Variants in SWI5 observed in about 807,000 individuals in gnomAD.
SWI5 encodes the protein SWI5 homologous recombination repair protein, also known as DNA repair protein SWI5 homolog.
Under a neutral mutation model 17.0 loss-of-function variants are expected in SWI5, and 12 were observed. That is an observed-to-expected ratio of 0.71 (90% CI 0.45 to 1.14). SWI5 has a LOEUF of 1.14. Ranked by LOEUF, SWI5 falls within the 50% of genes most tolerant of loss-of-function variation. SWI5 has a pLI of 0.00. For missense variants in SWI5, 158 were observed against 162.2 expected (o/e 0.97, Z 0.14); for synonymous variants, 61 against 64.0 (o/e 0.95, Z 0.22).
At chr9:128,275,528 G>A, upstream of SWI5, 3 of 1,296,064 alleles carry the variant, frequency 2.3e-6, no homozygotes, top group Non-Finnish European at 9.9e-7. Context: ...GGGGGCCCCG[G>A]GAGTCACGGG....
At chr9:128,275,606 A>C, upstream of SWI5, 1 of 884,088 alleles carries the variant, frequency 1.1e-6, no homozygotes, top group Non-Finnish European at 1.6e-6. Flanking sequence ...CGCCAGCCCA[A>C]AGAGCCCAGG....
At chr9:128,284,536 T>C in exon 3 of SWI5, 2 of 1,613,926 alleles carry the variant, frequency 1.2e-6, no homozygotes, top group Non-Finnish European at 1.7e-6. Flanking sequence ...CTGGCCAGGC[T>C]GATGGGACCA....
chr9:128,286,196 G>GT, intron 4 of SWI5, 163 bp downstream of exon 4: 1 of 587,000 alleles, frequency 1.7e-6, no homozygotes. Flanking sequence ...CCAGCCTCTG[G>GT]TCTCCCTGGC....
chr9:128,285,806 T>C lies in SWI5; in HGVS notation c.234-133T>C. 1 of 619,922 alleles carries C rather than the reference T, an allele frequency of 1.6e-6. No homozygotes were observed. Among genetic ancestry groups the C allele is most frequent in the Non-Finnish European group, 2.9e-6 (1 of 341,242 alleles). The allele number at this position is 619,922 out of a possible 1,614,324, so 38.4% of individuals were successfully genotyped here. On this transcript the variant is annotated intron_variant, in intron 3 of 4. Transcript: ENST00000418976. This position sits in a 1 kb window ranked among gnomAD's most constrained non-coding sequence, Gnocchi z 4.8. ...AAGCTTCATGAGGGCAGGGCCTATC[T>C]TGCTGTCACCATATCCCTAGTACCT...
At chr9:128,287,496 C>T (rs929373553) in intron 4 of SWI5, among the ~76,000 whole-genome samples, 2 of 147,894 alleles carry the variant, frequency 1.4e-5, no homozygotes, top group Admixed American at 1.4e-4. Context: ...CTCTTAGTAG[C>T]GAGAATCAGC....
At position 128,284,637 on chromosome 9, in the gene SWI5, T is replaced by C. The variant is rs745774638; in HGVS notation, c.233+6T>C. 6 of 1,612,566 alleles carry C rather than the reference T, an allele frequency of 3.7e-6. No individual in the cohort carries two copies. The Admixed American group carries it at 1.0e-4, about 27-fold the overall frequency. On this transcript the variant is annotated splice_donor_region_variant and intron_variant, in intron 3 of 4. Transcript: ENST00000418976. The stretch of plus-strand genomic sequence containing the variant: ...ATCTCCCAGTTCGTATCTGAGTAAG[T>C]TTCATTGGGTTCCCCATCATGGTTA...
chr9:128,276,696 T>A lies in SWI5; in HGVS notation c.63-11T>A. ...GGTCCAATCAGACTTTCCCCTCGGA[T>A]TCCTCTCTAGGACTGAACCAAGACT... On this transcript the variant is annotated splice_polypyrimidine_tract_variant and intron_variant, in intron 1 of 4. Transcript: ENST00000418976. The A allele has an allele frequency of 6.2e-7, 1 of 1,613,946 alleles. No homozygotes were observed.
At chr9:128,275,798 G>C (rs904511036), upstream of SWI5, 1 of 685,566 alleles carries the variant, frequency 1.5e-6, no homozygotes, top group African/African-American at 1.9e-5. Flanking sequence ...AGCCCAGCCC[G>C]GTGTGCCTCA....
At chr9:128,276,640 C>A in intron 1 of SWI5, 67 bp from the exon 2 acceptor site, 2 of 1,613,862 alleles carry the variant, frequency 1.2e-6, no homozygotes, top group East Asian at 4.5e-5. Context: ...TCCCGCATCC[C>A]CACAGTACCC....
chr9:128,279,016 C>T (rs558968455), intron 2 of SWI5, among the ~76,000 whole-genome samples: 4 of 152,190 alleles, frequency 2.6e-5, no homozygotes, highest in East Asian at 1.9e-4. Flanking sequence ...GTGATCCACC[C>T]GCCTCAGCCT....
rs760180618 is a variant in SWI5 at position 128,276,270 on chromosome 9, T to G, written c.-71T>G. ...CCTTGGGTGCGCGCGCAGCTTTCTG[T>G]GCGCCAGTTCACACTCCGGGTCAGA... On this transcript the variant is annotated 5_prime_UTR_variant, in exon 1 of 5. Coordinates refer to ENST00000418976, the Ensembl canonical transcript of SWI5. 6.2e-6 allele frequency: 10 copies of G among 1,612,556 alleles called. No homozygotes were observed. The Admixed American group carries it at 1.7e-4, about 27-fold the overall frequency.
Position 128,288,358 on chromosome 9 carries a change from A to T in SWI5, c.329-294A>T, listed in dbSNP as rs146647004. 2.5e-3 allele frequency among the ~76,000 whole-genome samples: 378 copies of T among 152,328 alleles called. 2 individuals are homozygous for T. Among genetic ancestry groups the T allele is most frequent in the South Asian group, 6.0e-3 (29 of 4,824 alleles). Reference sequence around the variant, plus strand: ...AATGGAATCGAGGAAGCTCTGTTTCATTCCTCTGCAAAATGGGGTGAGGGT... The same window carrying T: ...AATGGAATCGAGGAAGCTCTGTTTCTTTCCTCTGCAAAATGGGGTGAGGGT... On this transcript the variant is annotated intron_variant, in intron 4 of 4. Coordinates refer to ENST00000418976, the Ensembl canonical transcript of SWI5.
intron 2 of SWI5, among the ~76,000 whole-genome samples, chr9:128,283,685 C>G (rs551995082): frequency 1.3e-5 from 2 of 152,340 alleles, no homozygotes; most frequent in African/African-American, 4.8e-5. Flanking sequence ...GCACCCAGGC[C>G]TCCATCTGGT....
intron 2 of SWI5, among the ~76,000 whole-genome samples, chr9:128,283,079 C>G (rs1831569544): frequency 6.6e-6 from 1 of 152,048 alleles, no homozygotes. Context: ...CTTTGGGAGG[C>G]CGAGGTGGGT....
chr9:128,278,079 A>C (rs1831467320), intron 2 of SWI5, among the ~76,000 whole-genome samples: 1 of 151,436 alleles, frequency 6.6e-6, no homozygotes, highest in African/African-American at 2.4e-5. Flanking sequence ...CAGCGTCCCA[A>C]ATAGCTGGAA....
chr9:128,282,243 C>T (rs1026600494), intron 2 of SWI5, among the ~76,000 whole-genome samples: 5 of 151,898 alleles, frequency 3.3e-5, no homozygotes, highest in Non-Finnish European at 5.9e-5. Context: ...AAAAATTAGC[C>T]GAGTGTGGTG....
intron 2 of SWI5, among the ~76,000 whole-genome samples, chr9:128,280,724 A>G (rs2131418180): frequency 6.6e-6 from 1 of 152,008 alleles, no homozygotes; most frequent in South Asian, 2.1e-4. Context: ...TCACCATGTT[A>G]CCCAGGATGG....
At chr9:128,284,827 G>A (rs867449430) in intron 3 of SWI5, among the ~76,000 whole-genome samples, 196 bp downstream of exon 3, 36 of 151,904 alleles carry the variant, frequency 2.4e-4, no homozygotes, top group African/African-American at 8.0e-4. Flanking sequence ...ACAGTGGTAC[G>A]CGCATGTAGT....
chr9:128,277,437 C>T (rs771543697), intron 2 of SWI5, among the ~76,000 whole-genome samples: 51 of 152,200 alleles, frequency 3.4e-4, no homozygotes, highest in Non-Finnish European at 6.3e-4. Context: ...GCCTGTAATC[C>T]CAACTACTCA....
Sources: allele counts gnomAD v4.1 joint callset (sites outside exome capture counted in the v4.1 genomes callset), GRCh38; gene constraint gnomAD v4.1.1; non-coding constraint Gnocchi (gnomAD v3.1); transcripts MANE v1.5; gene names NCBI Gene and HGNC (gene_info 2026-07-23, HGNC 2026-07-21).